The following RPS6KA1 variants were observed in gnomAD, a reference collection of about 807,000 sequenced individuals.
RPS6KA1 encodes the protein ribosomal protein S6 kinase alpha-1.
A neutral mutation model predicts 91.3 loss-of-function variants in RPS6KA1; 48 were observed. That is an observed-to-expected ratio of 0.53 (90% CI 0.42 to 0.67). The LOEUF is 0.67. Ranked by LOEUF, RPS6KA1 falls within the 30% of genes least tolerant of loss-of-function variation. The pLI is 0.00. For missense variants in RPS6KA1, 719 were observed against 960.5 expected (o/e 0.75, Z 3.32); for synonymous variants, 359 against 384.7 (o/e 0.93, Z 0.78).
chr1:26,571,940 C>A lies in RPS6KA1; in HGVS notation c.1829+15C>A, dbSNP rs1192394729. ...ATGCTGGCAGGGTGAGTGCCCCTGG[C>A]CTGGACCCTTCCCCACTCCTGCAGC... On this transcript the variant is annotated intron_variant, in intron 19 of 21. Transcript: ENST00000374168. The surrounding 1 kb of genome is among the most constrained non-coding windows in gnomAD (Gnocchi z 5.1). 1.2e-6 allele frequency: 2 copies of A among 1,608,028 alleles called. No homozygotes were observed. The highest frequency in any genetic ancestry group is 2.2e-5 in the South Asian group (2 of 90,978).
intron 2 of RPS6KA1, chr1:26,543,154 G>A (rs1373275139): frequency 5.9e-6 from 9 of 1,535,626 alleles, no homozygotes; most frequent in Non-Finnish European, 7.8e-6. Context: ...ACCGGCTTGA[G>A]CCCCACCATG....
intron 7 of RPS6KA1, chr1:26,553,717 G>A (rs533477035): frequency 1.9e-4 from 61 of 321,450 alleles, no homozygotes; most frequent in Non-Finnish European, 3.0e-4. Context: ...AATGTTGCCC[G>A]TCTTTTTTTG....
chr1:26,561,577 C>T lies in RPS6KA1; in HGVS notation c.1504C>T (p.Leu502=). 5.0e-6 allele frequency: 8 copies of T among 1,614,142 alleles called. No individual in the cohort carries two copies. The highest frequency in any genetic ancestry group is 5.9e-6 in the Non-Finnish European group (7 of 1,180,006). The change falls in exon 17 of 22, where the codon CTG becomes TTG. Residue 502 remains leucine (L), a synonymous_variant. Coordinates refer to ENST00000374168, the MANE Select transcript of RPS6KA1 (RefSeq NM_002953.4). This position sits in a 1 kb window ranked among gnomAD's most constrained non-coding sequence, Gnocchi z 5.7. ...MRGGELLDKI[L]RQKFFSEREA... Reference sequence around the variant, plus strand: ...GGGTGGGGAGCTGCTGGACAAGATCCTGCGGCAGAAGTTCTTCTCAGAGCG... The same window carrying T: ...GGGTGGGGAGCTGCTGGACAAGATCTTGCGGCAGAAGTTCTTCTCAGAGCG...
chr1:26,555,684 GC>G lies in RPS6KA1; in HGVS notation c.916+61del. On this transcript the variant is annotated intron_variant, in intron 11 of 21. Transcript: ENST00000374168. This position sits in a 1 kb window ranked among gnomAD's most constrained non-coding sequence, Gnocchi z 4.3. ...CGATGGGGAGCCGGGTACAGCTGCAGCCTAGGCCACAGGGCCACATCTGGGC... is the reference window on the plus strand; with the variant it reads ...CGATGGGGAGCCGGGTACAGCTGCAGCTAGGCCACAGGGCCACATCTGGGC... The G allele has an allele frequency of 1.3e-6, 2 of 1,502,198 alleles. No homozygotes were observed. Among genetic ancestry groups the G allele is most frequent in the Non-Finnish European group, 1.8e-6 (2 of 1,101,284 alleles). The allele number at this position is 1,502,198 out of a possible 1,614,324, so 93.1% of individuals were successfully genotyped here.
At position 26,554,728 on chromosome 1, in the gene RPS6KA1, G is replaced by A; in HGVS notation, c.746G>A (p.Gly249Glu). 1 of 1,600,872 alleles carries A rather than the reference G, an allele frequency of 6.2e-7. No individual in the cohort carries two copies. Among genetic ancestry groups the A allele is most frequent in the African/African-American group, 1.3e-5 (1 of 74,738 alleles). Residue 249 changes from glycine to glutamate, a missense_variant, in exon 9 of 22, where the codon GGG (glycine) becomes GAG (glutamate). By Grantham distance (98) the Gly-to-Glu change is moderately conservative. Around this residue, in one of 5 missense-constraint regions of RPS6KA1, gnomAD observed 228 missense variants for 247.6 expected, o/e 0.92. Transcript: ENST00000374168. The surrounding 1 kb of genome is among the most constrained non-coding windows in gnomAD (Gnocchi z 4.6). ...CATAGTGCGGACTGGTGGTCCTATGGGGTGTTGATGGTGAGTGCCCAGACA... is the reference window on the plus strand; with the variant it reads ...CATAGTGCGGACTGGTGGTCCTATGAGGTGTTGATGGTGAGTGCCCAGACA... ...HSHSADWWSY[G>E]VLMFEMLTGS...
At chr1:26,538,571 A>G (rs1461834063) in intron 2 of RPS6KA1, among the ~76,000 whole-genome samples, 1 of 152,206 alleles carries the variant, frequency 6.6e-6, no homozygotes, top group Non-Finnish European at 1.5e-5. Flanking sequence ...GAAAGAGCTT[A>G]ACCTATGCCT....
chr1:26,542,647 G>A (rs559011645), intron 2 of RPS6KA1, among the ~76,000 whole-genome samples: 15 of 152,324 alleles, frequency 9.8e-5, no homozygotes, highest in African/African-American at 2.6e-4. Flanking sequence ...AGCCTTCTTC[G>A]GGGCAGCTGA....
Position 26,571,656 on chromosome 1 carries a change from A to C in RPS6KA1, c.1752+46A>C. 1 of 1,597,822 alleles carries C rather than the reference A, an allele frequency of 6.3e-7. No homozygotes were observed. On this transcript the variant is annotated intron_variant, in intron 18 of 21. Transcript: ENST00000374168. This position sits in a 1 kb window ranked among gnomAD's most constrained non-coding sequence, Gnocchi z 5.1. The stretch of plus-strand genomic sequence containing the variant: ...AGCTGTAAGAGTGAGGGGGAATTGG[A>C]GGCCTTGTGCCCCCTCCCAGAGGCC...
chr1:26,548,432 A>C (rs2076016521), intron 4 of RPS6KA1, among the ~76,000 whole-genome samples: 1 of 152,160 alleles, frequency 6.6e-6, no homozygotes, highest in Non-Finnish European at 1.5e-5. Flanking sequence ...TCTCTAGACC[A>C]AAAATGTTTG....
chr1:26,557,159 G>C, intron 13 of RPS6KA1, 59 bp downstream of exon 13: 1 of 1,389,002 alleles, frequency 7.2e-7, no homozygotes, highest in Non-Finnish European at 1.0e-6. Flanking sequence ...GCCGGGAGTC[G>C]GTGGCAGCTT....
In RPS6KA1 at chr1:26,558,103, C is replaced by T. The variant is rs368229539; in HGVS notation, c.1085-704C>T. 1.3e-5 allele frequency among the ~76,000 whole-genome samples: 2 copies of T among 152,086 alleles called. No individual in the cohort carries two copies. Among genetic ancestry groups the T allele is most frequent in the African/African-American group, 2.4e-5 (1 of 41,398 alleles). The stretch of plus-strand genomic sequence containing the variant: ...GGGTGCTTTTCTCACTGCACTTGCA[C>T]GCCTCTGATGACAGAGACAGCACTT... On this transcript the variant is annotated intron_variant, in intron 13 of 21. Coordinates refer to ENST00000374168, the MANE Select transcript of RPS6KA1 (RefSeq NM_002953.4). This position sits in a 1 kb window ranked among gnomAD's most constrained non-coding sequence, Gnocchi z 4.0.
intron 4 of RPS6KA1, among the ~76,000 whole-genome samples, chr1:26,548,269 A>ACCC (rs1212881198): frequency 6.6e-6 from 1 of 151,896 alleles, no homozygotes; most frequent in Non-Finnish European, 1.5e-5. Flanking sequence ...GGCTAAGCAT[A>ACCC]CCCGACAGTG....
At position 26,547,374 on chromosome 1, in the gene RPS6KA1, G is replaced by T. The variant is rs528974924; in HGVS notation, c.307+104G>T. Reference sequence around the variant, plus strand: ...GCAAGGGAGACAGCTCTGTCTTCAGGAGCACCTAGTTCAAAGGTGGAGAAA... The same window carrying T: ...GCAAGGGAGACAGCTCTGTCTTCAGTAGCACCTAGTTCAAAGGTGGAGAAA... On this transcript the variant is annotated intron_variant, in intron 4 of 21. Transcript: ENST00000374168. The surrounding 1 kb of genome is among the most constrained non-coding windows in gnomAD (Gnocchi z 4.1). The T allele has an allele frequency of 2.8e-4, 247 of 870,060 alleles. No homozygotes were observed. The African/African-American group carries it at 3.7e-3, about 13-fold the overall frequency. 53.9% of individuals were successfully genotyped at this position (870,060 alleles called of 1,614,324 possible).
intron 2 of RPS6KA1, chr1:26,545,831 T>G (rs2075989484): frequency 1.4e-6 from 2 of 1,465,698 alleles, no homozygotes; most frequent in South Asian, 2.7e-5. Context: ...TCCGCCTTGG[T>G]CCCGGCCACC....
chr1:26,541,521 C>G (rs761488849), intron 2 of RPS6KA1, among the ~76,000 whole-genome samples: 3 of 152,188 alleles, frequency 2.0e-5, no homozygotes, highest in Non-Finnish European at 4.4e-5. Context: ...CACCACTGCA[C>G]TCCAGCCTGG....
Position 26,547,585 on chromosome 1 carries a change from TG to T in RPS6KA1, c.307+320del. 3.2e-6 allele frequency: 1 copy of T among 315,110 alleles called. No individual in the cohort carries two copies. The highest frequency in any genetic ancestry group is 3.0e-5 in the South Asian group (1 of 32,974). The allele number at this position is 315,110 out of a possible 1,614,324, so 19.5% of individuals were successfully genotyped here. On this transcript the variant is annotated intron_variant, in intron 4 of 21. Transcript: ENST00000374168. This position sits in a 1 kb window ranked among gnomAD's most constrained non-coding sequence, Gnocchi z 4.1. The stretch of plus-strand genomic sequence containing the variant: ...TCTGACTGTTGATGCTAGAAGAGTC[TG>T]GGGGAGACCTCTGTGGCCCCTAACT...
Position 26,540,275 on chromosome 1 carries a change from A to G in RPS6KA1, c.108+3306A>G, listed in dbSNP as rs2075936823. On this transcript the variant is annotated intron_variant, in intron 2 of 21. Transcript: ENST00000374168. The surrounding 1 kb of genome is among the most constrained non-coding windows in gnomAD (Gnocchi z 4.2). ...TAACCTTCATTTTACAGAGGAGGAA[A>G]CCGAGGTTCAGACAGGGAAACAGAT... Among the ~76,000 whole-genome samples the G allele has an allele frequency of 6.6e-6, 1 of 152,186 alleles. No individual in the cohort carries two copies. The highest frequency in any genetic ancestry group is 2.1e-4 in the South Asian group (1 of 4,830).
At chr1:26,548,558 A>C (rs1356842264) in intron 4 of RPS6KA1, among the ~76,000 whole-genome samples, 1 of 152,022 alleles carries the variant, frequency 6.6e-6, no homozygotes, top group Non-Finnish European at 1.5e-5. Context: ...AGCACTTTGG[A>C]AAGCTGAGGC....
intron 4 of RPS6KA1, among the ~76,000 whole-genome samples, chr1:26,549,719 C>T (rs1368221074): frequency 2.2e-5 from 3 of 138,818 alleles, no homozygotes; most frequent in African/African-American, 8.2e-5. Context: ...TTTTCTTTCC[C>T]GAGATGGAGT....
Sources: allele counts gnomAD v4.1 joint callset (sites outside exome capture counted in the v4.1 genomes callset), GRCh38; gene constraint gnomAD v4.1.1; regional missense constraint gnomAD v4.1.1; non-coding constraint Gnocchi (gnomAD v3.1); transcripts MANE v1.5; gene names NCBI Gene and HGNC (gene_info 2026-07-23, HGNC 2026-07-21).